Variants in ENPP1 observed in about 807,000 individuals in gnomAD.
ENPP1 encodes ectonucleotide pyrophosphatase/phosphodiesterase 1, also known as ectonucleotide pyrophosphatase/phosphodiesterase family member 1.
ENPP1 carries 73 observed loss-of-function variants against 122.8 expected under a neutral mutation model. The observed-to-expected ratio is 0.59, with a 90% CI of 0.49 to 0.72. The LOEUF is 0.72. Among genes scored for constraint, ENPP1 ranks in the 30% least tolerant of loss-of-function variants. The pLI is 0.00. For missense variants in ENPP1, 978 were observed against 1,128.1 expected, an observed-to-expected ratio of 0.87 and a Z score of 1.91; for synonymous variants, 367 against 391.6, an observed-to-expected ratio of 0.94 and a Z score of 0.74.
Position 131,880,379 on chromosome 6 carries a change from C to T in ENPP1, c.2100+345C>T, listed in dbSNP as rs552896909. ...GAGATCGAGACCATCCTGGCTAACA[C>T]GGTGAAACTCCATCTCTACTAAAAA... On this transcript the variant is annotated intron_variant, in intron 20 of 24. Transcript: ENST00000647893. 5.3e-5 allele frequency among the ~76,000 whole-genome samples: 8 copies of T among 152,022 alleles called. No homozygotes were observed. The East Asian group carries it at 9.7e-4, about 18-fold the overall frequency.
intron 1 of ENPP1, among the ~76,000 whole-genome samples, chr6:131,832,092 CGT>C (rs1001735772): frequency 6.6e-6 from 1 of 151,690 alleles, no homozygotes; most frequent in African/African-American, 2.4e-5. Context: ...GACCCTTTGA[CGT>C]GTGTGTGTTT....
At chr6:131,878,477 T>G in intron 18 of ENPP1, 65 bp from the exon 19 acceptor site, 1 of 944,066 alleles carries the variant, frequency 1.1e-6, no homozygotes, top group Non-Finnish European at 1.7e-6. Flanking sequence ...TCTATAGCGG[T>G]TCTATGTTAC....
At chr6:131,814,391 C>A (rs2114650975) in intron 1 of ENPP1, among the ~76,000 whole-genome samples, 1 of 152,120 alleles carries the variant, frequency 6.6e-6, no homozygotes, top group Non-Finnish European at 1.5e-5. Context: ...CACTGTGAAT[C>A]CTGCTGACCT....
intron 9 of ENPP1, among the ~76,000 whole-genome samples, chr6:131,863,748 TACAA>T (rs1782052580): frequency 8.4e-6 from 1 of 118,468 alleles, no homozygotes; most frequent in African/African-American, 3.2e-5. Flanking sequence ...TCTACTAAAA[TACAA>T]AAAAAAAAAA....
chr6:131,835,180 G>C (rs1395264435), intron 1 of ENPP1, among the ~76,000 whole-genome samples: 1 of 152,188 alleles, frequency 6.6e-6, no homozygotes, highest in Non-Finnish European at 1.5e-5. Flanking sequence ...GAATTTTAAT[G>C]TGTAATTTAC....
chr6:131,831,594 A>G (rs1585800526), intron 1 of ENPP1, among the ~76,000 whole-genome samples: 1 of 152,184 alleles, frequency 6.6e-6, no homozygotes, highest in South Asian at 2.1e-4. Context: ...AGTATGAGTC[A>G]TGTATTTTGT....
intron 15 of ENPP1, 130 bp downstream of exon 15, chr6:131,873,180 G>A (rs1782185069): frequency 9.3e-7 from 1 of 1,080,848 alleles, no homozygotes; most frequent in African/African-American, 1.5e-5. Flanking sequence ...TCTAACCCAG[G>A]ATTTCTAATG....
At chr6:131,815,769 T>C (rs1371911366) in intron 1 of ENPP1, among the ~76,000 whole-genome samples, 1 of 151,930 alleles carries the variant, frequency 6.6e-6, no homozygotes, top group Non-Finnish European at 1.5e-5. Flanking sequence ...GGAGTGAACT[T>C]GGCTCACTGC....
At chr6:131,884,688 T>A (rs191615215) in intron 22 of ENPP1, among the ~76,000 whole-genome samples, 2 of 152,218 alleles carry the variant, frequency 1.3e-5, no homozygotes, top group Admixed American at 1.3e-4. Flanking sequence ...GGCAGGAGCA[T>A]CTCTTGACCC....
In ENPP1 at chr6:131,851,191, C is replaced by T. The variant is rs752270673; in HGVS notation, c.480C>T (p.Thr160=). The T allele has an allele frequency of 1.9e-6, 3 of 1,614,000 alleles. No individual in the cohort carries two copies. Among genetic ancestry groups the T allele is most frequent in the South Asian group, 2.2e-5 (2 of 91,086 alleles). The change falls in exon 4 of 25, where the codon ACC becomes ACT. Residue 160 remains threonine (T), a synonymous_variant. Transcript: ENST00000647893. ...TCAGGTGTGGTGAGAAAAGGTTGAC[C>T]AGAAGCCTCTGTGCCTGTTCAGATG... ...NKFRCGEKRL[T]RSLCACSDDC...
At chr6:131,827,730 CT>C in intron 1 of ENPP1, 1 of 683,482 alleles carries the variant, frequency 1.5e-6, no homozygotes. Context: ...CTTGCCCCTC[CT>C]TCTTGTCCAG....
chr6:131,886,519 A>T (rs1782379212), intron 23 of ENPP1, 43 bp from the exon 24 acceptor site: 2 of 1,407,280 alleles, frequency 1.4e-6, no homozygotes, highest in Middle Eastern at 1.8e-4. Flanking sequence ...CAAAAGGAAG[A>T]TAGTTATTTC....
chr6:131,855,223 A>G (rs761774560), intron 6 of ENPP1, among the ~76,000 whole-genome samples, 200 bp downstream of exon 6: 3 of 152,162 alleles, frequency 2.0e-5, no homozygotes, highest in Non-Finnish European at 4.4e-5. Flanking sequence ...AAATAAGTTA[A>G]TATAGTTATC....
At position 131,877,218 on chromosome 6, in the gene ENPP1, T is replaced by C. The variant is rs115666152; in HGVS notation, c.1893+57T>C. 2.7e-3 allele frequency: 4,010 copies of C among 1,491,942 alleles called. 86 individuals are homozygous for C. The African/African-American group carries it at 0.049, about 18-fold the overall frequency. The allele number at this position is 1,491,942 out of a possible 1,614,324, so 92.4% of individuals were successfully genotyped here. A position where few individuals can be genotyped will look rare whatever the true frequency, so the allele number is the denominator to read the frequency against. On this transcript the variant is annotated intron_variant, in intron 18 of 24. Coordinates refer to ENST00000647893, the MANE Select transcript of ENPP1 (RefSeq NM_006208.3). ...GTATGGTTTGATAGCACCCTCTGCA[T>C]AGCATGTGCTGTAAAAATACTTAAT... is the stretch of plus-strand genomic sequence containing the variant.
chr6:131,849,856 A>T lies in ENPP1; in HGVS notation c.314-134A>T, dbSNP rs1781858813. On this transcript the variant is annotated intron_variant, in intron 2 of 24. Coordinates refer to ENST00000647893, the MANE Select transcript of ENPP1 (RefSeq NM_006208.3). ...GTATTTGTGAAAAGATTTTTGCCTTACTTTATTACCCCATCTGTATTTTCT... is the reference window on the plus strand; with the variant it reads ...GTATTTGTGAAAAGATTTTTGCCTTTCTTTATTACCCCATCTGTATTTTCT... 5.7e-6 allele frequency: 4 copies of T among 701,718 alleles called. No individual in the cohort carries two copies. In the Admixed American group the frequency reaches 8.8e-5, roughly 15 times the overall value. 43.5% of individuals were successfully genotyped at this position (701,718 alleles called of 1,614,324 possible). A position where few individuals can be genotyped will look rare whatever the true frequency, so the allele number is the denominator to read the frequency against.
At chr6:131,880,576 AAAG>A (rs897699099) in intron 20 of ENPP1, among the ~76,000 whole-genome samples, 1 of 149,832 alleles carries the variant, frequency 6.7e-6, no homozygotes. Context: ...CAAAAAAAAA[AAAG>A]AAAGAAAGAA....
rs886061066 is a variant in ENPP1, at chr6:131,869,380, G to C, written c.1296G>C (p.Lys432Asn). 1.9e-6 allele frequency: 3 copies of C among 1,613,184 alleles called. No homozygotes were observed. Residue 432 changes from lysine to asparagine, a missense_variant, in exon 13 of 25, where the codon AAG (lysine) becomes AAC (asparagine). Coordinates refer to ENST00000647893, the MANE Select transcript of ENPP1 (RefSeq NM_006208.3). ...TAGGCATGGAACAAGGCAGTTGTAAGAAATACATATATCTGAATAAATATT... is the reference window on the plus strand; with the variant it reads ...TAGGCATGGAACAAGGCAGTTGTAACAAATACATATATCTGAATAAATATT... ...SDHGMEQGSC[K>N]KYIYLNKYLG...
chr6:131,823,552 C>G (rs1328791864), intron 1 of ENPP1, among the ~76,000 whole-genome samples: 1 of 152,096 alleles, frequency 6.6e-6, no homozygotes, highest in East Asian at 1.9e-4. Flanking sequence ...TCTCCAAATA[C>G]ACTTTGTACA....
intron 5 of ENPP1, among the ~76,000 whole-genome samples, chr6:131,852,740 T>G (rs1368920109): frequency 6.6e-6 from 1 of 152,174 alleles, no homozygotes; most frequent in Admixed American, 6.5e-5. Flanking sequence ...GAAGGAAGGA[T>G]CTTTACTTTT....
Sources: allele counts gnomAD v4.1 joint callset (sites outside exome capture counted in the v4.1 genomes callset), GRCh38; gene constraint gnomAD v4.1.1; transcripts MANE v1.5; gene names NCBI Gene and HGNC (gene_info 2026-07-23, HGNC 2026-07-21).